AKR1C8: variants seen among roughly 807,000 people sequenced by gnomAD.
The protein encoded by AKR1C8 is aldo-keto reductase family 1 member C8, also known as aldo-keto reductase family 1 member C-like protein 1.
the AKR1C8 span, among the ~76,000 whole-genome samples, chr10:5,124,004 A>G: frequency 2.0e-5 from 3 of 152,198 alleles, no homozygotes; most frequent in Non-Finnish European, 4.4e-5. Context: ...GTTTCCTAAA[A>G]GTATACATAG....
At chr10:5,145,938 G>T in the AKR1C8 span, among the ~76,000 whole-genome samples, 1 of 151,850 alleles carries the variant, frequency 6.6e-6, no homozygotes, top group African/African-American at 2.4e-5. Flanking sequence ...GCAAAGACTT[G>T]GAACCAACCC....
the AKR1C8 span, among the ~76,000 whole-genome samples, chr10:5,156,465 G>GT: frequency 2.0e-5 from 2 of 101,588 alleles, no homozygotes; most frequent in East Asian, 2.0e-4. Context: ...ATATTTTTTG[G>GT]TTAAAAAAAA....
the AKR1C8 span, among the ~76,000 whole-genome samples, chr10:5,163,227 C>T: frequency 1.3e-5 from 2 of 152,198 alleles, no homozygotes; most frequent in African/African-American, 2.4e-5. Context: ...AAATTGGCTT[C>T]ACCCTGGAGC....
chr10:5,178,497 C>T, the AKR1C8 span, among the ~76,000 whole-genome samples: 32 of 152,118 alleles, frequency 2.1e-4, no homozygotes, highest in African/African-American at 4.3e-4. Flanking sequence ...CTATTAGGTC[C>T]GCTTGGTGCA....
At chr10:5,132,453 T>C in the AKR1C8 span, 2 of 678,584 alleles carry the variant, frequency 2.9e-6, no homozygotes, top group African/African-American at 1.9e-5. Flanking sequence ...ATTTGCCGCC[T>C]TTTATTTTAG....
chr10:5,135,934 T>C, the AKR1C8 span, among the ~76,000 whole-genome samples: 1 of 152,174 alleles, frequency 6.6e-6, no homozygotes, highest in Non-Finnish European at 1.5e-5. Context: ...CCTGATGATG[T>C]TGTAATCCTG....
the AKR1C8 span, among the ~76,000 whole-genome samples, chr10:5,180,122 T>C: frequency 1.3e-5 from 2 of 152,218 alleles, no homozygotes; most frequent in Non-Finnish European, 2.9e-5. Flanking sequence ...CTTTTGGTCT[T>C]TGATGATGGT....
At chr10:5,160,487 T>C in the AKR1C8 span, among the ~76,000 whole-genome samples, 1 of 152,194 alleles carries the variant, frequency 6.6e-6, no homozygotes, top group African/African-American at 2.4e-5. Flanking sequence ...CCCTCCTCCA[T>C]GATGTGTTTC....
the AKR1C8 span, among the ~76,000 whole-genome samples, chr10:5,176,158 G>A: frequency 6.6e-6 from 1 of 151,220 alleles, no homozygotes; most frequent in Non-Finnish European, 1.5e-5. Context: ...TTTTGTGTAA[G>A]GTGTAAGGAA....
chr10:5,169,460 A>T, the AKR1C8 span, among the ~76,000 whole-genome samples: 2 of 152,126 alleles, frequency 1.3e-5, no homozygotes, highest in African/African-American at 4.8e-5. Flanking sequence ...TTTTTGGAAA[A>T]GATTAATTAA....
the AKR1C8 span, chr10:5,162,777 A>G: frequency 2.4e-6 from 1 of 412,600 alleles, no homozygotes; most frequent in Non-Finnish European, 5.0e-6. Flanking sequence ...AATTCAACTT[A>G]GACCATGTTT....
chr10:5,178,817 T>C, the AKR1C8 span, among the ~76,000 whole-genome samples: 1 of 152,196 alleles, frequency 6.6e-6, no homozygotes. Flanking sequence ...TTTTTTTTGT[T>C]TTCCATTTGC....
At chr10:5,153,746 C>T in the AKR1C8 span, among the ~76,000 whole-genome samples, 12 of 151,986 alleles carry the variant, frequency 7.9e-5, no homozygotes, top group Non-Finnish European at 1.5e-4. Flanking sequence ...GGGTAAAGAC[C>T]GCCCCTATGA....
At chr10:5,125,155 CT>C in the AKR1C8 span, among the ~76,000 whole-genome samples, 2 of 151,884 alleles carry the variant, frequency 1.3e-5, no homozygotes, top group East Asian at 1.9e-4. Flanking sequence ...ATTAGGTATA[CT>C]TTTGGTACTT....
At chr10:5,126,164 T>C in the AKR1C8 span, among the ~76,000 whole-genome samples, 1 of 152,076 alleles carries the variant, frequency 6.6e-6, no homozygotes, top group African/African-American at 2.4e-5. Flanking sequence ...GGGGTCTTCT[T>C]TCCCCCCTTG....
chr10:5,139,247 T>C, the AKR1C8 span, among the ~76,000 whole-genome samples: 3 of 152,300 alleles, frequency 2.0e-5, no homozygotes, highest in South Asian at 2.1e-4. Context: ...ATAGATTCAA[T>C]GCCATCCCCA....
At chr10:5,121,747 T>C in the AKR1C8 span, among the ~76,000 whole-genome samples, 1 of 152,178 alleles carries the variant, frequency 6.6e-6, no homozygotes, top group Non-Finnish European at 1.5e-5. Context: ...TGTTATCATA[T>C]TAATTTTTCT....
At chr10:5,133,646 ACTC>A in the AKR1C8 span, among the ~76,000 whole-genome samples, 1 of 152,108 alleles carries the variant, frequency 6.6e-6, no homozygotes, top group African/African-American at 2.4e-5. Flanking sequence ...CACACACAAA[ACTC>A]CAAGTCTTGT....
the AKR1C8 span, chr10:5,161,667 A>C: frequency 1.7e-5 from 9 of 532,294 alleles, no homozygotes; most frequent in Non-Finnish European, 3.1e-5. Flanking sequence ...AAGGATAGAC[A>C]GAAAATCTTG....
Sources: allele counts gnomAD v4.1 joint callset (sites outside exome capture counted in the v4.1 genomes callset), GRCh38; gene constraint gnomAD v4.1.1; transcripts MANE v1.5; gene names NCBI Gene and HGNC (gene_info 2026-07-23, HGNC 2026-07-21).